The following PEX7 variants were observed in gnomAD, a reference collection of about 807,000 sequenced individuals.
The protein encoded by PEX7 is PTS2 receptor.
Under a neutral mutation model 47.5 loss-of-function variants are expected in PEX7, and 34 were observed. The ratio of observed to expected loss-of-function variants is 0.72; its 90% CI spans 0.54 to 0.95. The LOEUF (loss-of-function observed/expected upper bound fraction) is 0.95, where lower values mean the gene tolerates loss of function less well. Among genes scored for constraint, PEX7 ranks in the 40% least tolerant of loss-of-function variants. The pLI is 0.00. For synonymous variants in PEX7, 141 were observed against 148.8 expected (o/e 0.95, Z 0.38); for missense variants, 394 against 400.3 (o/e 0.98, Z 0.13).
chr6:136,877,153 G>C (rs1775289527), intron 8 of PEX7, among the ~76,000 whole-genome samples: 1 of 151,084 alleles, frequency 6.6e-6, no homozygotes, highest in Non-Finnish European at 1.5e-5. Context: ...AGAAGTGACT[G>C]TTCATATCCT....
At chr6:136,864,315 TAAAAA>T (rs3041780) in intron 5 of PEX7, among the ~76,000 whole-genome samples, 1 of 150,994 alleles carries the variant, frequency 6.6e-6, no homozygotes, top group Non-Finnish European at 1.5e-5. Context: ...TTTTTTCTCA[TAAAAA>T]AAAAACACAC....
chr6:136,841,473 C>A (rs992496189), intron 3 of PEX7, among the ~76,000 whole-genome samples: 2 of 152,158 alleles, frequency 1.3e-5, no homozygotes, highest in Admixed American at 1.3e-4. Flanking sequence ...TGCTTTTTGC[C>A]TATTGACATT....
chr6:136,912,419 G>A (rs1286833052), intron 9 of PEX7, among the ~76,000 whole-genome samples: 1 of 151,882 alleles, frequency 6.6e-6, no homozygotes, highest in Non-Finnish European at 1.5e-5. Context: ...GTTGGGGTCA[G>A]GATTCACTTT....
chr6:136,873,931 A>C (rs1043721425), intron 8 of PEX7, among the ~76,000 whole-genome samples: 1 of 152,150 alleles, frequency 6.6e-6, no homozygotes, highest in African/African-American at 2.4e-5. Context: ...GTATTATATT[A>C]ATGGATTGAA....
chr6:136,912,589 T>C (rs988794466), intron 9 of PEX7, among the ~76,000 whole-genome samples: 2 of 152,202 alleles, frequency 1.3e-5, no homozygotes, highest in Admixed American at 1.3e-4. Flanking sequence ...CTTGTCTTTA[T>C]CCTAATCCTG....
At position 136,913,789 on chromosome 6, in the gene PEX7, G is replaced by T; in HGVS notation, c.*263G>T. On this transcript the variant is annotated 3_prime_UTR_variant, in exon 10 of 10. Coordinates refer to ENST00000318471, the MANE Select transcript of PEX7 (RefSeq NM_000288.4). ...TGTAGTATCTATTAAAATGTCTCTG[G>T]GTCATAAAATGGATTAAAATATGGG... 2 of 397,804 alleles carry T rather than the reference G, an allele frequency of 5.0e-6. No individual in the cohort carries two copies. The highest frequency in any genetic ancestry group is 4.7e-5 in the East Asian group (1 of 21,326). The allele number at this position is 397,804 out of a possible 1,614,324, so 24.6% of individuals were successfully genotyped here.
chr6:136,855,059 G>T (rs936207428), intron 5 of PEX7, among the ~76,000 whole-genome samples: 1 of 151,334 alleles, frequency 6.6e-6, no homozygotes, highest in African/African-American at 2.4e-5. Flanking sequence ...CCGTACCCCA[G>T]CCTGGGCAAC....
At chr6:136,872,172 T>A in intron 7 of PEX7, 26 bp from the exon 8 acceptor site, 1 of 1,547,216 alleles carries the variant, frequency 6.5e-7, no homozygotes, top group South Asian at 1.1e-5. Flanking sequence ...TCAAAAAGGG[T>A]TTTTTTTTTC....
chr6:136,856,578 T>C (rs1413098745), intron 5 of PEX7, among the ~76,000 whole-genome samples: 1 of 152,204 alleles, frequency 6.6e-6, no homozygotes, highest in East Asian at 1.9e-4. Context: ...TTTTCTGTCA[T>C]GGGCTCTGAT....
chr6:136,909,066 T>G (rs1050354542), intron 9 of PEX7, among the ~76,000 whole-genome samples: 4 of 152,188 alleles, frequency 2.6e-5, no homozygotes, highest in African/African-American at 9.7e-5. Context: ...TGCTTACCTG[T>G]CTCTCCATTA....
rs533097550 is a variant in PEX7, at chr6:136,865,912, G to A, written c.527-715G>A. Reference sequence around the variant, plus strand: ...ATCCTGGCCAACATGGCGAAACCCCGTCTCTACTAAAAATACAAAAATTAG... The same window carrying A: ...ATCCTGGCCAACATGGCGAAACCCCATCTCTACTAAAAATACAAAAATTAG... On this transcript the variant is annotated intron_variant, in intron 5 of 9. Coordinates refer to ENST00000318471, the MANE Select transcript of PEX7 (RefSeq NM_000288.4). Among the ~76,000 whole-genome samples, 428 of 151,150 alleles carry A rather than the reference G, an allele frequency of 2.8e-3. 3 individuals carry two copies. The highest frequency in any genetic ancestry group is 6.7e-3 in the African/African-American group (278 of 41,220).
rs1160574208 is a variant in PEX7 at position 136,826,418 on chromosome 6, C to G, written c.288C>G (p.Asp96Glu). ...GCGATGGCTCGCTGCAGCTCTGGGA[C>G]ACTGCCAAAGCTGCAGGGCCACTGC... ...CSGDGSLQLW[D>E]TAKAAGPLQV... Residue 96 changes from aspartate (D) to glutamate (E), a missense_variant, in exon 3 of 10, where the codon GAC becomes GAG. Physicochemically the swap from Asp to Glu is conservative, Grantham distance 45. Coordinates refer to ENST00000318471, the MANE Select transcript of PEX7 (RefSeq NM_000288.4). The G allele has an allele frequency of 6.2e-7, 1 of 1,613,844 alleles. No homozygotes were observed. Among genetic ancestry groups the G allele is most frequent in the Non-Finnish European group, 8.5e-7 (1 of 1,179,998 alleles).
intron 8 of PEX7, among the ~76,000 whole-genome samples, chr6:136,886,597 A>G (rs1283951692): frequency 1.3e-5 from 2 of 152,210 alleles, no homozygotes; most frequent in African/African-American, 4.8e-5. Context: ...CGTTAATAAC[A>G]TAATTATATT....
At chr6:136,881,914 T>C (rs927938555) in intron 8 of PEX7, among the ~76,000 whole-genome samples, 4 of 152,194 alleles carry the variant, frequency 2.6e-5, no homozygotes, top group African/African-American at 9.7e-5. Flanking sequence ...GTTGTAGCTA[T>C]ATTTGTAAGC....
chr6:136,850,998 A>ATTTTTTTTTTTTTTTTT (rs71009515), intron 5 of PEX7, among the ~76,000 whole-genome samples: 1 of 87,240 alleles, frequency 1.1e-5, no homozygotes, highest in Non-Finnish European at 2.1e-5. Flanking sequence ...TTTATTTTTA[A>ATTTTTTTTTTTTTTTTT]TTTTTTTTTT....
intron 5 of PEX7, among the ~76,000 whole-genome samples, chr6:136,852,896 C>T (rs894335380): frequency 1.8e-5 from 2 of 110,826 alleles, no homozygotes; most frequent in Non-Finnish European, 1.8e-5. Flanking sequence ...CATCACACTA[C>T]CTGACTTCAA....
intron 8 of PEX7, among the ~76,000 whole-genome samples, chr6:136,888,422 A>G (rs1275393818): frequency 6.6e-6 from 1 of 152,164 alleles, no homozygotes; most frequent in Non-Finnish European, 1.5e-5. Context: ...GTGCCTTCAG[A>G]TATCTTAGCT....
At position 136,826,454 on chromosome 6, in the gene PEX7, A is replaced by C; in HGVS notation, c.324A>C (p.Lys108Asn). 1 of 1,614,058 alleles carries C rather than the reference A, an allele frequency of 6.2e-7. No homozygotes were observed. The highest frequency in any genetic ancestry group is 8.5e-7 in the Non-Finnish European group (1 of 1,180,018). Residue 108 changes from lysine (K) to asparagine (N), a missense_variant, in exon 3 of 10, where the codon AAA becomes AAC. Physicochemically the swap from Lys to Asn is moderately conservative, Grantham distance 94. Transcript: ENST00000318471. ...AKAAGPLQVY[K>N]EHAQEVYSVD... is the part of the protein sequence containing the mutation. ...CTGCAGGGCCACTGCAAGTCTATAA[A>C]GAACACGCTCAGGAGGTAGGAGGGA...
chr6:136,832,641 T>C (rs1582736802), intron 3 of PEX7, among the ~76,000 whole-genome samples: 2 of 152,374 alleles, frequency 1.3e-5, no homozygotes, highest in African/African-American at 2.4e-5. Context: ...CATGAATGCA[T>C]GTGACTATAC....
Sources: allele counts gnomAD v4.1 joint callset (sites outside exome capture counted in the v4.1 genomes callset), GRCh38; gene constraint gnomAD v4.1.1; transcripts MANE v1.5; gene names NCBI Gene and HGNC (gene_info 2026-07-23, HGNC 2026-07-21).